Variants in ANKRD55 observed in about 807,000 individuals in gnomAD.
ANKRD55 encodes ankyrin repeat domain 55.
A neutral mutation model predicts 60.6 loss-of-function variants in ANKRD55; 41 were observed. The observed-to-expected ratio is 0.68, with a 90% CI of 0.53 to 0.88. ANKRD55 has a LOEUF of 0.88. Ranked by LOEUF, ANKRD55 falls within the 40% of genes least tolerant of loss-of-function variation. ANKRD55 has a pLI of 0.00. For synonymous variants in ANKRD55, 264 were observed against 290.3 expected (o/e 0.91, Z 0.92); for missense variants, 732 against 767.6 (o/e 0.95, Z 0.55).
chr5:56,108,821 G>A (rs1411146777), intron 10 of ANKRD55, among the ~76,000 whole-genome samples: 1 of 152,134 alleles, frequency 6.6e-6, no homozygotes, highest in Non-Finnish European at 1.5e-5. Context: ...GACGGATCAC[G>A]AGGTCAGGAG....
chr5:56,224,310 C>A (rs1760049564), intron 2 of ANKRD55, among the ~76,000 whole-genome samples: 1 of 152,076 alleles, frequency 6.6e-6, no homozygotes, highest in Non-Finnish European at 1.5e-5. Flanking sequence ...ACACAACATA[C>A]CAGAATCTCT....
intron 5 of ANKRD55, among the ~76,000 whole-genome samples, chr5:56,166,086 T>TCTTTCTTTCTTTC (rs1554040775): frequency 1.1e-5 from 1 of 91,772 alleles, no homozygotes; most frequent in East Asian, 3.4e-4. Flanking sequence ...TTTCTTTTCT[T>TCTTTCTTTCTTTC]TTTCTTTCTT....
chr5:56,159,461 T>C (rs1173517304), intron 6 of ANKRD55, among the ~76,000 whole-genome samples: 1 of 141,910 alleles, frequency 7.0e-6, no homozygotes, highest in Non-Finnish European at 1.5e-5. Flanking sequence ...AACTCCATCT[T>C]AAAAAAAAAA....
intron 6 of ANKRD55, among the ~76,000 whole-genome samples, chr5:56,158,121 T>C (rs1227386370): frequency 6.6e-6 from 1 of 151,832 alleles, no homozygotes; most frequent in Non-Finnish European, 1.5e-5. Flanking sequence ...GCGGAGGCTG[T>C]AGTGAGCTGA....
intron 2 of ANKRD55, among the ~76,000 whole-genome samples, chr5:56,230,052 T>C (rs548057729): frequency 1.3e-5 from 2 of 152,142 alleles, no homozygotes; most frequent in Non-Finnish European, 2.9e-5. Flanking sequence ...GGAATCTCCC[T>C]GGGTGGGATG....
At chr5:56,210,093 C>T (rs1050276109) in intron 2 of ANKRD55, among the ~76,000 whole-genome samples, 14 of 152,124 alleles carry the variant, frequency 9.2e-5, no homozygotes, top group Admixed American at 2.6e-4. Context: ...CTGCAGCCTC[C>T]GCCTCCCGAT....
intron 10 of ANKRD55, among the ~76,000 whole-genome samples, chr5:56,109,874 T>C (rs1430568696): frequency 6.6e-6 from 1 of 151,924 alleles, no homozygotes; most frequent in Non-Finnish European, 1.5e-5. Flanking sequence ...AAGAATTAGC[T>C]GGGTGTGGTG....
intron 11 of ANKRD55, among the ~76,000 whole-genome samples, chr5:56,101,052 C>A (rs185990407): frequency 6.6e-6 from 1 of 152,176 alleles, no homozygotes; most frequent in South Asian, 2.1e-4. Context: ...TCTGTGTGAC[C>A]TTGGACATAT....
intron 10 of ANKRD55, among the ~76,000 whole-genome samples, chr5:56,105,505 A>C (rs527255001): frequency 2.0e-5 from 3 of 152,198 alleles, no homozygotes; most frequent in Non-Finnish European, 4.4e-5. Context: ...GATTGTAGGA[A>C]TCGGTCAAGC....
rs1561263750 is a variant in ANKRD55, at chr5:56,135,255, CTT to C, written c.613-8151_613-8150del. Among the ~76,000 whole-genome samples the C allele has an allele frequency of 3.3e-4, 45 of 135,606 alleles. 2 individuals are homozygous for C. Among genetic ancestry groups the C allele is most frequent in the East Asian group, 1.0e-3 (5 of 4,912 alleles). 89.0% of individuals were successfully genotyped at this position (135,606 alleles called of 152,430 possible). ...CCTTCCTTCCTTCCTTCCTTCCTTC[CTT>C]CCTTCTTTCCCTCCCTCCCTCCCTG... On this transcript the variant is annotated intron_variant, in intron 7 of 11. Coordinates refer to ENST00000341048, the MANE Select transcript of ANKRD55 (RefSeq NM_024669.3).
At chr5:56,143,114 C>T (rs1315548883) in intron 7 of ANKRD55, among the ~76,000 whole-genome samples, 1 of 152,144 alleles carries the variant, frequency 6.6e-6, no homozygotes, top group African/African-American at 2.4e-5. Context: ...CAGAAATCAA[C>T]TGTGGGGGTG....
chr5:56,168,453 C>T (rs1245973149), intron 5 of ANKRD55, among the ~76,000 whole-genome samples: 2 of 152,188 alleles, frequency 1.3e-5, no homozygotes, highest in African/African-American at 4.8e-5. Flanking sequence ...GCACTGTGTT[C>T]ACATTACTCT....
At chr5:56,166,971 G>A (rs553349218) in intron 5 of ANKRD55, among the ~76,000 whole-genome samples, 6 of 152,078 alleles carry the variant, frequency 3.9e-5, no homozygotes, top group Non-Finnish European at 7.3e-5. Context: ...AAATAAATTC[G>A]GTTTCTACTT....
intron 3 of ANKRD55, among the ~76,000 whole-genome samples, chr5:56,181,790 G>A (rs1441992663): frequency 2.6e-5 from 4 of 152,132 alleles, no homozygotes; most frequent in Non-Finnish European, 4.4e-5. Flanking sequence ...GGGTTTCACC[G>A]TGTTGGCCAG....
At chr5:56,133,018 CA>C in intron 7 of ANKRD55, among the ~76,000 whole-genome samples, 1 of 152,310 alleles carries the variant, frequency 6.6e-6, no homozygotes, top group Non-Finnish European at 1.5e-5. Context: ...ATATGCGAGG[CA>C]AAACCTGATA....
intron 5 of ANKRD55, among the ~76,000 whole-genome samples, chr5:56,163,804 A>G (rs767345612): frequency 6.6e-6 from 1 of 152,224 alleles, no homozygotes; most frequent in African/African-American, 2.4e-5. Flanking sequence ...AAAGTTTTAT[A>G]TGGCCAGGTG....
chr5:56,117,630 T>A (rs1756920536), intron 8 of ANKRD55, among the ~76,000 whole-genome samples: 1 of 152,096 alleles, frequency 6.6e-6, no homozygotes, highest in Non-Finnish European at 1.5e-5. Context: ...ATTTTTGTAT[T>A]TTTAGTAGAG....
chr5:56,146,500 G>T (rs375271107), intron 6 of ANKRD55, among the ~76,000 whole-genome samples: 1 of 152,046 alleles, frequency 6.6e-6, no homozygotes, highest in East Asian at 1.9e-4. Flanking sequence ...GGCCAGGCTG[G>T]TCTCGAGCTC....
At position 56,119,025 on chromosome 5, in the gene ANKRD55, G is replaced by A. The variant is rs541322757; in HGVS notation, c.798-2243C>T. Among the ~76,000 whole-genome samples the A allele has an allele frequency of 1.1e-4, 16 of 152,278 alleles. No individual in the cohort carries two copies. The South Asian group carries it at 1.2e-3, about 12-fold the overall frequency. ...GGAAAATAATTTAGCAGTTCCTTCCGAAGTTAAACACATACTTATAACCTA... is the reference window on the plus strand; with the variant it reads ...GGAAAATAATTTAGCAGTTCCTTCCAAAGTTAAACACATACTTATAACCTA... On this transcript the variant is annotated intron_variant, in intron 8 of 11. Coordinates refer to ENST00000341048, the MANE Select transcript of ANKRD55 (RefSeq NM_024669.3).
Sources: allele counts gnomAD v4.1 joint callset (sites outside exome capture counted in the v4.1 genomes callset), GRCh38; gene constraint gnomAD v4.1.1; transcripts MANE v1.5; gene names NCBI Gene and HGNC (gene_info 2026-07-23, HGNC 2026-07-21).